SPMIP7: variants seen among roughly 807,000 people sequenced by gnomAD.
SPMIP7 encodes the protein sperm microtubule inner protein 7.
chr7:50,151,255 C>T, the SPMIP7 span, among the ~76,000 whole-genome samples: 2 of 152,148 alleles, frequency 1.3e-5, no homozygotes, highest in Non-Finnish European at 2.9e-5. Context: ...TATCTAAGTA[C>T]CTGTGCATCA....
the SPMIP7 span, chr7:50,136,057 C>A: frequency 4.9e-4 from 693 of 1,415,780 alleles, 3 homozygotes; most frequent in African/African-American, 8.4e-3. Flanking sequence ...GAAATTATAA[C>A]GTGCTCATTA....
At chr7:50,135,928 G>A in the SPMIP7 span, among the ~76,000 whole-genome samples, 1 of 152,230 alleles carries the variant, frequency 6.6e-6, no homozygotes, top group African/African-American at 2.4e-5. Context: ...AAGACCATGA[G>A]TGGCTCCAGA....
At chr7:50,106,607 G>T in the SPMIP7 span, among the ~76,000 whole-genome samples, 2 of 152,120 alleles carry the variant, frequency 1.3e-5, no homozygotes, top group African/African-American at 4.8e-5. Flanking sequence ...CACTTTTAAA[G>T]TGTAATGTTC....
chr7:50,103,735 G>A, the SPMIP7 span, among the ~76,000 whole-genome samples: 1 of 152,086 alleles, frequency 6.6e-6, no homozygotes, highest in Non-Finnish European at 1.5e-5. Context: ...GTTAGACTAG[G>A]TATTCTTAGG....
chr7:50,154,873 T>C, the SPMIP7 span, among the ~76,000 whole-genome samples: 5 of 152,218 alleles, frequency 3.3e-5, no homozygotes, highest in Non-Finnish European at 5.9e-5. Context: ...ATCTCTTGTC[T>C]TTTTAATGGC....
the SPMIP7 span, among the ~76,000 whole-genome samples, chr7:50,135,729 C>T: frequency 2.6e-5 from 4 of 152,094 alleles, no homozygotes; most frequent in Admixed American, 1.3e-4. Flanking sequence ...GATCTAGGCT[C>T]GTTTGGAAGT....
chr7:50,151,563 T>C, the SPMIP7 span: 1 of 1,523,816 alleles, frequency 6.6e-7, no homozygotes, highest in Non-Finnish European at 8.9e-7. Flanking sequence ...CACCGGTAAG[T>C]ATGAATCCTA....
chr7:50,128,525 C>G, the SPMIP7 span, among the ~76,000 whole-genome samples: 1 of 151,914 alleles, frequency 6.6e-6, no homozygotes, highest in Non-Finnish European at 1.5e-5. Flanking sequence ...TCCAATTACT[C>G]TGATTTGATT....
the SPMIP7 span, among the ~76,000 whole-genome samples, chr7:50,139,116 C>T: frequency 4.6e-5 from 7 of 151,790 alleles, no homozygotes; most frequent in Non-Finnish European, 7.4e-5. Flanking sequence ...TTTGGGAGGC[C>T]GAGGCAGGCA....
chr7:50,140,738 C>T, the SPMIP7 span, among the ~76,000 whole-genome samples: 7 of 152,228 alleles, frequency 4.6e-5, no homozygotes, highest in African/African-American at 1.7e-4. Flanking sequence ...TGGCCCACCC[C>T]TCTCATTACT....
the SPMIP7 span, among the ~76,000 whole-genome samples, chr7:50,118,968 A>G: frequency 3.3e-5 from 5 of 152,186 alleles, no homozygotes; most frequent in Non-Finnish European, 2.9e-5. Context: ...CTCTGATATG[A>G]CTAAATACTG....
the SPMIP7 span, among the ~76,000 whole-genome samples, chr7:50,125,361 T>TACACATATATATACATATATATAC: frequency 2.2e-5 from 3 of 133,626 alleles, no homozygotes; most frequent in Admixed American, 1.6e-4. Flanking sequence ...CACATATATA[T>TACACATATATATACATATATATAC]ACACATATAT....
chr7:50,112,865 G>A, the SPMIP7 span, among the ~76,000 whole-genome samples: 3 of 151,898 alleles, frequency 2.0e-5, no homozygotes, highest in African/African-American at 7.3e-5. Flanking sequence ...TAGCAGAGAA[G>A]AGGGAGTTAT....
At chr7:50,156,692 A>C in the SPMIP7 span, among the ~76,000 whole-genome samples, 1 of 151,658 alleles carries the variant, frequency 6.6e-6, no homozygotes, top group Non-Finnish European at 1.5e-5. Context: ...CCAGGAAGAC[A>C]CACTCTTACT....
chr7:50,154,194 C>T, the SPMIP7 span, among the ~76,000 whole-genome samples: 1 of 152,142 alleles, frequency 6.6e-6, no homozygotes, highest in East Asian at 1.9e-4. Context: ...ATAGTGAACA[C>T]ATTAATATCC....
At chr7:50,117,004 G>C in the SPMIP7 span, among the ~76,000 whole-genome samples, 3 of 152,160 alleles carry the variant, frequency 2.0e-5, no homozygotes, top group African/African-American at 7.2e-5. Flanking sequence ...GAAACAATAA[G>C]AGGCGTTCTC....
At chr7:50,145,704 G>T in the SPMIP7 span, among the ~76,000 whole-genome samples, 3 of 125,372 alleles carry the variant, frequency 2.4e-5, no homozygotes, top group African/African-American at 9.0e-5. Context: ...TAACATATAT[G>T]CATCTCACAC....
chr7:50,124,537 C>G, the SPMIP7 span, among the ~76,000 whole-genome samples: 21 of 152,226 alleles, frequency 1.4e-4, no homozygotes, highest in African/African-American at 5.1e-4. Flanking sequence ...CATATGTTCT[C>G]TAGCCAACAC....
At chr7:50,100,755 T>C in the SPMIP7 span, among the ~76,000 whole-genome samples, 1 of 151,462 alleles carries the variant, frequency 6.6e-6, no homozygotes, top group Admixed American at 6.6e-5. Flanking sequence ...GAGCTTGCAG[T>C]GAGCCGAGAT....
Sources: allele counts gnomAD v4.1 joint callset (sites outside exome capture counted in the v4.1 genomes callset), GRCh38; gene constraint gnomAD v4.1.1; transcripts MANE v1.5; gene names NCBI Gene and HGNC (gene_info 2026-07-23, HGNC 2026-07-21).